The following PDE7B variants were observed in gnomAD, a reference collection of about 807,000 sequenced individuals.
PDE7B encodes the protein phosphodiesterase 7B.
A neutral mutation model predicts 56.2 loss-of-function variants in PDE7B; 29 were observed. The observed-to-expected ratio is 0.52, with a 90% CI of 0.38 to 0.70. PDE7B has a LOEUF of 0.70. Among genes scored for constraint, PDE7B ranks in the 30% least tolerant of loss-of-function variants. The probability of loss-of-function intolerance (pLI) is 0.00; values close to 1 mark genes in which losing one functional copy is unlikely to be tolerated. For missense variants in PDE7B, 490 were observed against 565.0 expected, an observed-to-expected ratio of 0.87 and a Z score of 1.35; for synonymous variants, 197 against 196.9, an observed-to-expected ratio of 1.00 and a Z score of 0.00.
intron 1 of PDE7B, among the ~76,000 whole-genome samples, chr6:135,929,419 T>C (rs570559033): frequency 1.3e-5 from 2 of 152,284 alleles, no homozygotes; most frequent in East Asian, 3.9e-4. Context: ...AGAATTGAGT[T>C]TTGCTATAAG....
intron 1 of PDE7B, among the ~76,000 whole-genome samples, chr6:135,870,675 AGAGTTGTGTTTAG>A (rs1775361752): frequency 6.6e-6 from 1 of 152,042 alleles, no homozygotes; most frequent in Non-Finnish European, 1.5e-5. Flanking sequence ...GCAGGAAATA[AGAGTTGTGTTTAG>A]GACACATTCA....
At position 136,030,883 on chromosome 6, in the gene PDE7B, A is replaced by T. The variant is rs62429938; in HGVS notation, c.83-77848A>T. ...ATTTGATGAGAAAAGACTGTCAAAAATAGTATTTGTTTATGAAATTCTTTA... is the reference window on the plus strand; with the variant it reads ...ATTTGATGAGAAAAGACTGTCAAAATTAGTATTTGTTTATGAAATTCTTTA... On this transcript the variant is annotated intron_variant, in intron 2 of 12. Coordinates refer to ENST00000308191, the MANE Select transcript of PDE7B (RefSeq NM_018945.4). 2.6e-3 allele frequency among the ~76,000 whole-genome samples: 392 copies of T among 152,388 alleles called. 2 individuals carry two copies. The highest frequency in any genetic ancestry group is 4.8e-3 in the Admixed American group (74 of 15,312).
intron 2 of PDE7B, among the ~76,000 whole-genome samples, chr6:136,018,288 T>C (rs933539484): frequency 1.3e-5 from 2 of 152,186 alleles, no homozygotes; most frequent in South Asian, 4.1e-4. Context: ...GAGACCTGTC[T>C]CATCTTTGGG....
At chr6:136,085,967 A>G (rs1754033480) in intron 2 of PDE7B, among the ~76,000 whole-genome samples, 1 of 152,194 alleles carries the variant, frequency 6.6e-6, no homozygotes, top group Admixed American at 6.5e-5. Flanking sequence ...ACTCATCCTT[A>G]GAATGTTTGC....
chr6:136,105,249 A>G (rs554238379), intron 2 of PDE7B, among the ~76,000 whole-genome samples: 3 of 152,200 alleles, frequency 2.0e-5, no homozygotes, highest in Non-Finnish European at 4.4e-5. Context: ...ACAAATCATC[A>G]TGACTGTACA....
chr6:135,917,405 G>A (rs541926838), intron 1 of PDE7B, among the ~76,000 whole-genome samples: 15 of 151,850 alleles, frequency 9.9e-5, no homozygotes, highest in Admixed American at 5.2e-4. Flanking sequence ...AATTTTTAAC[G>A]TAGGATATTA....
At chr6:136,073,531 C>T (rs1777082801) in intron 2 of PDE7B, among the ~76,000 whole-genome samples, 1 of 152,152 alleles carries the variant, frequency 6.6e-6, no homozygotes. Context: ...TTGTAGATGT[C>T]ACTTCTATGG....
intron 1 of PDE7B, among the ~76,000 whole-genome samples, chr6:135,904,002 CT>C (rs1171450298): frequency 6.6e-6 from 1 of 152,142 alleles, no homozygotes; most frequent in Non-Finnish European, 1.5e-5. Flanking sequence ...GAATAGAATG[CT>C]TTTCCTAAAA....
intron 2 of PDE7B, among the ~76,000 whole-genome samples, chr6:135,992,353 A>G (rs911627091): frequency 1.1e-4 from 17 of 152,224 alleles, no homozygotes; most frequent in Admixed American, 1.0e-3. Flanking sequence ...TATTTTCACC[A>G]TAGCAGTCTC....
intron 3 of PDE7B, among the ~76,000 whole-genome samples, chr6:136,138,566 A>AT (rs968308034): frequency 1.1e-4 from 16 of 151,920 alleles, no homozygotes; most frequent in Non-Finnish European, 1.6e-4. Flanking sequence ...TACCTTGAGG[A>AT]TTTTTTTTCT....
chr6:136,089,496 G>A (rs1777350506), intron 2 of PDE7B, among the ~76,000 whole-genome samples: 5 of 152,162 alleles, frequency 3.3e-5, no homozygotes, highest in Admixed American at 2.6e-4. Flanking sequence ...TTCATTTGAT[G>A]ACCCTGGTAC....
intron 2 of PDE7B, among the ~76,000 whole-genome samples, chr6:135,950,394 A>G (rs1327267367): frequency 6.6e-6 from 1 of 152,218 alleles, no homozygotes; most frequent in African/African-American, 2.4e-5. Flanking sequence ...ACAAGAAAGT[A>G]TAAGGAGTCT....
At chr6:135,885,588 A>G (rs1192593346) in intron 1 of PDE7B, among the ~76,000 whole-genome samples, 1 of 152,222 alleles carries the variant, frequency 6.6e-6, no homozygotes, top group Non-Finnish European at 1.5e-5. Flanking sequence ...AATGAAAAAT[A>G]CACACATTCT....
intron 2 of PDE7B, among the ~76,000 whole-genome samples, chr6:136,016,729 G>C (rs1288791504): frequency 5.9e-5 from 9 of 151,906 alleles, no homozygotes. Flanking sequence ...TCAACCACCT[G>C]CAACAGAACT....
At chr6:136,105,817 G>T (rs1026392942) in intron 2 of PDE7B, among the ~76,000 whole-genome samples, 2 of 152,132 alleles carry the variant, frequency 1.3e-5, no homozygotes, top group Non-Finnish European at 2.9e-5. Flanking sequence ...CTCTTCCTCA[G>T]TTTCCCTAAA....
In PDE7B at chr6:135,926,020, C is replaced by T. The variant is rs1489738531; in HGVS notation, c.22-21444C>T. 2.2e-5 allele frequency among the ~76,000 whole-genome samples: 3 copies of T among 138,420 alleles called. No homozygotes were observed. The Admixed American group carries it at 2.5e-4, about 12-fold the overall frequency. The allele number at this position is 138,420 out of a possible 152,430, so 90.8% of individuals were successfully genotyped here. A position where few individuals can be genotyped will look rare whatever the true frequency, so the allele number is the denominator to read the frequency against. ...AATTGGTTATATAAGTTTTACATGA[C>T]ACTGTAGACTTCTTTAGGAAATGAA... On this transcript the variant is annotated intron_variant, in intron 1 of 12. Transcript: ENST00000308191.
intron 2 of PDE7B, among the ~76,000 whole-genome samples, chr6:136,024,334 G>C (rs1213583707): frequency 6.6e-6 from 1 of 152,172 alleles, no homozygotes; most frequent in Non-Finnish European, 1.5e-5. Flanking sequence ...GCCTCCAGGG[G>C]CTAGAATTCA....
intron 2 of PDE7B, among the ~76,000 whole-genome samples, chr6:135,954,164 C>T (rs1774749435): frequency 6.6e-6 from 1 of 152,178 alleles, no homozygotes; most frequent in Non-Finnish European, 1.5e-5. Context: ...CATCGCTGTT[C>T]CCCAGCCTTG....
At chr6:136,031,111 T>C (rs1319079271) in intron 2 of PDE7B, among the ~76,000 whole-genome samples, 1 of 152,234 alleles carries the variant, frequency 6.6e-6, no homozygotes, top group Non-Finnish European at 1.5e-5. Context: ...AGCATGATTG[T>C]TTTTAGAAGT....
Sources: allele counts gnomAD v4.1 joint callset (sites outside exome capture counted in the v4.1 genomes callset), GRCh38; gene constraint gnomAD v4.1.1; transcripts MANE v1.5; gene names NCBI Gene and HGNC (gene_info 2026-07-23, HGNC 2026-07-21).